The following ZNF667 variants were observed in gnomAD, a reference collection of about 807,000 sequenced individuals.
The protein encoded by ZNF667 is zinc finger protein 667.
Under a neutral mutation model 31.8 loss-of-function variants are expected in ZNF667, and 13 were observed. The ratio of observed to expected loss-of-function variants is 0.41; its 90% CI spans 0.27 to 0.65. The LOEUF (loss-of-function observed/expected upper bound fraction) is 0.65. ZNF667 is among the 30% of genes least tolerant of loss of function. The pLI, the probability that ZNF667 is intolerant of heterozygous loss-of-function variation, is 0.32. For synonymous variants in ZNF667, 228 were observed against 247.1 expected (o/e 0.92, Z 0.73); for missense variants, 642 against 725.6 (o/e 0.88, Z 1.32).
At chr19:56,446,915 G>C (rs974654251) in intron 6 of ZNF667, among the ~76,000 whole-genome samples, 1 of 151,678 alleles carries the variant, frequency 6.6e-6, no homozygotes, top group Non-Finnish European at 1.5e-5. Context: ...ACCTTCCTTT[G>C]TTCCTTCCTG....
chr19:56,464,813 T>C (rs4801322), intron 3 of ZNF667, among the ~76,000 whole-genome samples: 131,221 of 152,162 alleles, frequency 0.86, 56,639 homozygotes, highest in East Asian at 0.92. Flanking sequence ...CTACCTAGCA[T>C]AGAGCAGGTG....
At chr19:56,477,481 G>A (rs1472699943), upstream of ZNF667, 2 of 152,400 alleles carry the variant, frequency 1.3e-5, no homozygotes, top group African/African-American at 2.4e-5. Context: ...CACCAGCCCC[G>A]GCCTGAGGCC....
At chr19:56,469,005 A>G (rs1432844460) in intron 3 of ZNF667, 4 of 152,242 alleles carry the variant, frequency 2.6e-5, no homozygotes, top group Non-Finnish European at 5.9e-5. Flanking sequence ...CAGCAAGAGG[A>G]AATGAACACA....
chr19:56,455,864 T>C (rs2042920734), intron 6 of ZNF667, among the ~76,000 whole-genome samples: 1 of 152,192 alleles, frequency 6.6e-6, no homozygotes, highest in African/African-American at 2.4e-5. Flanking sequence ...TGTATTGAAA[T>C]ATCCTATGTG....
intron 6 of ZNF667, among the ~76,000 whole-genome samples, chr19:56,448,835 T>C (rs920359088): frequency 6.6e-6 from 1 of 152,130 alleles, no homozygotes; most frequent in Non-Finnish European, 1.5e-5. Flanking sequence ...CAGGCAGTGG[T>C]AGCCACAGGC....
chr19:56,441,051 G>A lies in ZNF667; in HGVS notation c.*111C>T, dbSNP rs569202006. The A allele has an allele frequency of 3.6e-5, 53 of 1,472,824 alleles. No homozygotes were observed. The highest frequency in any genetic ancestry group is 2.2e-4 in the Middle Eastern group (1 of 4,466). The allele number at this position is 1,472,824 out of a possible 1,614,324, so 91.2% of individuals were successfully genotyped here. ...ACTTTTGCTCTTTGGCTTTCAAAGTGGGACATATCATCAAATGGTCCCATA... is the reference window on the plus strand; with the variant it reads ...ACTTTTGCTCTTTGGCTTTCAAAGTAGGACATATCATCAAATGGTCCCATA... On this transcript the variant is annotated 3_prime_UTR_variant, in exon 7 of 7. Transcript: ENST00000504904. This position sits in a 1 kb window ranked among gnomAD's most constrained non-coding sequence, Gnocchi z 4.2.
Position 56,440,132 on chromosome 19 carries a change from A to C in ZNF667, c.*1030T>G, listed in dbSNP as rs1034939981. On this transcript the variant is annotated 3_prime_UTR_variant, in exon 7 of 7. Coordinates refer to ENST00000504904, the MANE Select transcript of ZNF667 (RefSeq NM_001321356.2). Reference sequence around the variant, plus strand: ...ATAAACATTCAGTCCATAACAACTCATATTACACCACTTATTGCATACCAG... The same window carrying C: ...ATAAACATTCAGTCCATAACAACTCCTATTACACCACTTATTGCATACCAG... 6.6e-6 allele frequency: 1 copy of C among 152,222 alleles called. No individual in the cohort carries two copies. The highest frequency in any genetic ancestry group is 1.5e-5 in the Non-Finnish European group (1 of 68,038). 9.4% of individuals were successfully genotyped at this position (152,222 alleles called of 1,614,324 possible).
chr19:56,449,478 G>A lies in ZNF667; in HGVS notation c.254-6737C>T, dbSNP rs150329651. On this transcript the variant is annotated intron_variant, in intron 6 of 6. Coordinates refer to ENST00000504904, the MANE Select transcript of ZNF667 (RefSeq NM_001321356.2). ...GTGGATCACCTGAGTTCAGGAGTTC[G>A]AGACCAGCCTGACCAACATGGTGAA... 2.6e-3 allele frequency: 672 copies of A among 254,926 alleles called. 4 individuals carry two copies. The highest frequency in any genetic ancestry group is 0.015 in the African/African-American group (630 of 43,398). 15.8% of individuals were successfully genotyped at this position (254,926 alleles called of 1,614,324 possible).
intron 3 of ZNF667, chr19:56,468,129 G>A (rs191539643): frequency 2.7e-3 from 404 of 152,282 alleles, no homozygotes; most frequent in African/African-American, 8.4e-3. Context: ...TAAAAGAAAA[G>A]GGCATGGTGC....
intron 6 of ZNF667, 152 bp downstream of exon 6, chr19:56,458,003 C>G: frequency 1.4e-6 from 1 of 696,528 alleles, no homozygotes; most frequent in South Asian, 1.7e-5. Flanking sequence ...CCTCACCAGA[C>G]ACCGAATCTG....
chr19:56,470,324 G>A (rs916085772), intron 3 of ZNF667, among the ~76,000 whole-genome samples: 5 of 152,234 alleles, frequency 3.3e-5, no homozygotes, highest in Non-Finnish European at 7.3e-5. Context: ...TCAGGTGTGT[G>A]TGCTGAATGT....
chr19:56,456,646 G>A (rs1443958232), intron 6 of ZNF667, among the ~76,000 whole-genome samples: 2 of 152,164 alleles, frequency 1.3e-5, no homozygotes, highest in Non-Finnish European at 2.9e-5. Flanking sequence ...ATACGCTGAT[G>A]TTAATAATAA....
At chr19:56,455,524 G>A (rs2042913459) in intron 6 of ZNF667, among the ~76,000 whole-genome samples, 3 of 152,098 alleles carry the variant, frequency 2.0e-5, no homozygotes, top group Admixed American at 2.0e-4. Context: ...GCCAGACACA[G>A]ACAACCTTCA....
chr19:56,469,105 A>G (rs923926987), intron 3 of ZNF667, among the ~76,000 whole-genome samples: 4 of 152,224 alleles, frequency 2.6e-5, no homozygotes, highest in African/African-American at 9.6e-5. Flanking sequence ...TCTGTAATTC[A>G]GGGGAATTAC....
At chr19:56,468,668 T>C (rs1488406993) in intron 3 of ZNF667, 3 of 152,224 alleles carry the variant, frequency 2.0e-5, no homozygotes, top group African/African-American at 7.2e-5. Context: ...CTCCGATATT[T>C]TGGGTTCACA....
chr19:56,452,302 G>A (rs1195373502), intron 6 of ZNF667, among the ~76,000 whole-genome samples: 2 of 151,870 alleles, frequency 1.3e-5, no homozygotes, highest in Non-Finnish European at 2.9e-5. Flanking sequence ...CGCCCACCTC[G>A]GCCTCCCAAA....
chr19:56,453,103 C>T (rs1285705733), intron 6 of ZNF667, among the ~76,000 whole-genome samples: 1 of 151,956 alleles, frequency 6.6e-6, no homozygotes, highest in African/African-American at 2.4e-5. Context: ...CAACCTAGGC[C>T]AATACATTAG....
intron 2 of ZNF667, 191 bp from the exon 3 acceptor site, chr19:56,472,378 T>C (rs1041414125): frequency 6.6e-6 from 1 of 152,234 alleles, no homozygotes; most frequent in Admixed American, 6.5e-5. Flanking sequence ...AACATGGTCA[T>C]TGCTTGCCTT....
intron 5 of ZNF667, among the ~76,000 whole-genome samples, chr19:56,458,632 A>G (rs2042982701): frequency 6.6e-6 from 1 of 152,106 alleles, no homozygotes; most frequent in South Asian, 2.1e-4. Context: ...GGTTGAGCCA[A>G]TCACTAATGG....
Sources: gnomAD v4.1 joint callset for allele counts (sites outside exome capture counted in the v4.1 genomes callset) on GRCh38, gnomAD v4.1.1 for gene constraint, Gnocchi (gnomAD v3.1) non-coding constraint, MANE v1.5 for transcripts, NCBI Gene and HGNC (gene_info 2026-07-23, HGNC 2026-07-21) for gene names.